Variants in CCSER2 observed in about 807,000 individuals in gnomAD.
CCSER2 encodes the protein serine-rich coiled-coil domain-containing protein 2.
A neutral mutation model predicts 92.3 loss-of-function variants in CCSER2; 46 were observed. The observed-to-expected ratio is 0.50, with a 90% CI of 0.39 to 0.64. The LOEUF (loss-of-function observed/expected upper bound fraction) is 0.64, where lower values mean the gene tolerates loss of function less well. Among genes scored for constraint, CCSER2 ranks in the 30% least tolerant of loss-of-function variants. The pLI, the probability that CCSER2 is intolerant of heterozygous loss-of-function variation, is 0.00. For missense variants in CCSER2, 1,244 were observed against 1,238.9 expected (o/e 1.00, Z -0.06); for synonymous variants, 433 against 431.4 (o/e 1.00, Z -0.04).
chr10:84,356,101 CAAAA>C (rs57079136), intron 1 of CCSER2, among the ~76,000 whole-genome samples: 4 of 84,054 alleles, frequency 4.8e-5, no homozygotes, highest in Admixed American at 3.9e-4. Flanking sequence ...GAAACTGTCT[CAAAA>C]AAAAAAAAAA....
intron 3 of CCSER2, among the ~76,000 whole-genome samples, chr10:84,388,325 C>T (rs1302317090): frequency 1.3e-5 from 2 of 152,184 alleles, no homozygotes; most frequent in Non-Finnish European, 2.9e-5. Context: ...AAGGTTATTT[C>T]ATGGCTGGAC....
At chr10:84,457,621 TATTTA>T (rs1181084602) in intron 6 of CCSER2, among the ~76,000 whole-genome samples, 1 of 90,938 alleles carries the variant, frequency 1.1e-5, no homozygotes, top group Non-Finnish European at 2.2e-5. Flanking sequence ...TATAATTATA[TATTTA>T]TATATTATAT....
At chr10:84,339,591 T>G (rs1275368550) in intron 1 of CCSER2, among the ~76,000 whole-genome samples, 1 of 152,046 alleles carries the variant, frequency 6.6e-6, no homozygotes. Context: ...TTATCCTGCC[T>G]CAGCCTCCCA....
intron 3 of CCSER2, among the ~76,000 whole-genome samples, chr10:84,416,548 G>A (rs1842895373): frequency 6.6e-6 from 1 of 152,104 alleles, no homozygotes; most frequent in East Asian, 1.9e-4. Context: ...ACACAAAATT[G>A]AATGTATTTG....
chr10:84,424,254 A>G (rs1843310223), intron 4 of CCSER2, among the ~76,000 whole-genome samples: 1 of 151,140 alleles, frequency 6.6e-6, no homozygotes, highest in Admixed American at 6.6e-5. Flanking sequence ...CCATGCCTTT[A>G]TTTGTGAAGT....
chr10:84,453,541 G>A (rs952522738), intron 6 of CCSER2, among the ~76,000 whole-genome samples: 1 of 152,126 alleles, frequency 6.6e-6, no homozygotes, highest in Admixed American at 6.6e-5. Context: ...GGCTCTGTTC[G>A]TTTGAATGGA....
chr10:84,348,797 CA>C (rs1393786394), intron 1 of CCSER2, among the ~76,000 whole-genome samples: 3 of 151,938 alleles, frequency 2.0e-5, no homozygotes, highest in Non-Finnish European at 2.9e-5. Context: ...AAGATTAGTA[CA>C]AAAAATATCT....
intron 5 of CCSER2, among the ~76,000 whole-genome samples, chr10:84,432,702 A>G (rs781538364): frequency 1.3e-5 from 2 of 152,172 alleles, no homozygotes; most frequent in Non-Finnish European, 2.9e-5. Context: ...TACTTTTTGC[A>G]GGACAGATTT....
chr10:84,331,647 T>C (rs934231198), intron 1 of CCSER2, among the ~76,000 whole-genome samples: 19 of 152,206 alleles, frequency 1.2e-4, no homozygotes, highest in African/African-American at 4.3e-4. Context: ...AAATTGATGA[T>C]TGTGGCTGTC....
chr10:84,396,829 A>G lies in CCSER2; in HGVS notation c.1615-20942A>G, dbSNP rs1283773506. 2.6e-5 allele frequency among the ~76,000 whole-genome samples: 4 copies of G among 152,020 alleles called. No homozygotes were observed. The South Asian group carries it at 8.3e-4, about 32-fold the overall frequency. ...CGGGATTACAGGCGTGAGCCACCAC[A>G]CCTGGCCGAGATCATCCTTATTCTT... On this transcript the variant is annotated intron_variant, in intron 3 of 9. Transcript: ENST00000372088.
chr10:84,482,206 CG>C (rs1254889316), intron 9 of CCSER2, among the ~76,000 whole-genome samples: 4 of 151,874 alleles, frequency 2.6e-5, no homozygotes, highest in Admixed American at 2.0e-4. Context: ...AAGAATGAGC[CG>C]TAAGAGCAGA....
At chr10:84,414,455 T>C (rs987646030) in intron 3 of CCSER2, among the ~76,000 whole-genome samples, 9 of 152,228 alleles carry the variant, frequency 5.9e-5, no homozygotes, top group African/African-American at 2.2e-4. Flanking sequence ...TTCTTTTCTT[T>C]AAGAATGTTG....
At chr10:84,488,315 A>G (rs1847932613) in intron 9 of CCSER2, among the ~76,000 whole-genome samples, 1 of 152,108 alleles carries the variant, frequency 6.6e-6, no homozygotes, top group Non-Finnish European at 1.5e-5. Context: ...AGAAGGAATG[A>G]TACCAGCTCC....
chr10:84,348,735 G>A (rs1452081157), intron 1 of CCSER2, among the ~76,000 whole-genome samples: 1 of 143,782 alleles, frequency 7.0e-6, no homozygotes. Flanking sequence ...CTTAAAAAAA[G>A]TTTTGGGTTT....
Position 84,513,529 on chromosome 10 carries a change from C to T in CCSER2, c.2406C>T (p.Ile802=), listed in dbSNP as rs144603743. 2.4e-4 allele frequency: 387 copies of T among 1,613,962 alleles called. No individual in the cohort carries two copies. Among genetic ancestry groups the T allele is most frequent in the Non-Finnish European group, 3.0e-4 (349 of 1,180,014 alleles). ...TQGKLIKPQR[I]EARSECSIQD... is the part of the protein sequence containing the mutation. The stretch of plus-strand genomic sequence containing the variant: ...GAAAACTAATAAAGCCACAACGTAT[C>T]GAGGCCCGCAGTGAATGCTCAATCC... The change falls in exon 10 of 10, where the codon ATC becomes ATT. Residue 802 remains isoleucine, a synonymous_variant. Transcript: ENST00000372088.
intron 6 of CCSER2, among the ~76,000 whole-genome samples, chr10:84,459,501 ATGTTT>A (rs1430580123): frequency 6.6e-6 from 1 of 151,564 alleles, no homozygotes; most frequent in African/African-American, 2.4e-5. Flanking sequence ...TACTGGTAGG[ATGTTT>A]TGTTTTGTTT....
chr10:84,455,778 A>G, intron 6 of CCSER2: 1 of 1,110,830 alleles, frequency 9.0e-7, no homozygotes, highest in East Asian at 2.4e-5. Context: ...ACTCCAGTTA[A>G]GGTAATGTAG....
At chr10:84,506,473 A>T (rs757824868) in intron 9 of CCSER2, among the ~76,000 whole-genome samples, 2 of 152,176 alleles carry the variant, frequency 1.3e-5, no homozygotes, top group Non-Finnish European at 2.9e-5. Context: ...TTAAGATCAG[A>T]TTATACCTTT....
intron 9 of CCSER2, among the ~76,000 whole-genome samples, chr10:84,505,665 G>A (rs1849002901): frequency 6.6e-6 from 1 of 151,726 alleles, no homozygotes; most frequent in Admixed American, 6.6e-5. Flanking sequence ...CATCAAATAT[G>A]GTATTTTGTA....
Sources: gnomAD v4.1 joint callset for allele counts (sites outside exome capture counted in the v4.1 genomes callset) on GRCh38, gnomAD v4.1.1 for gene constraint, MANE v1.5 for transcripts, NCBI Gene and HGNC (gene_info 2026-07-23, HGNC 2026-07-21) for gene names.